INTS3: variants seen among roughly 807,000 people sequenced by gnomAD.
The protein encoded by INTS3 is SOSS complex subunit A.
Under a neutral mutation model 146.3 loss-of-function variants are expected in INTS3, and 34 were observed. The ratio of observed to expected loss-of-function variants is 0.23; its 90% CI spans 0.18 to 0.31. The LOEUF (loss-of-function observed/expected upper bound fraction) is 0.31. INTS3 is among the 10% of genes least tolerant of loss of function. The pLI is 1.00. For missense variants in INTS3, 757 were observed against 1,304.2 expected (o/e 0.58, Z 6.46); for synonymous variants, 475 against 494.9 (o/e 0.96, Z 0.53).
intron 1 of INTS3, among the ~76,000 whole-genome samples, chr1:153,736,421 G>T (rs1456428547): frequency 1.3e-5 from 2 of 151,666 alleles, no homozygotes; most frequent in African/African-American, 4.8e-5. Context: ...TGAGGATAAT[G>T]GTAAAGGAGA....
intron 1 of INTS3, 89 bp from the exon 2 acceptor site, chr1:153,740,562 A>C (rs934393946): frequency 1.2e-5 from 11 of 916,020 alleles, no homozygotes; most frequent in African/African-American, 3.2e-5. Flanking sequence ...GGGCATGATC[A>C]GGTTTGAATT....
chr1:153,770,149 G>A (rs747495015), intron 23 of INTS3, 49 bp from the exon 24 acceptor site: 8 of 959,190 alleles, frequency 8.3e-6, no homozygotes, highest in Non-Finnish European at 1.3e-5. Flanking sequence ...GTGTGTGTGT[G>A]TGTTCGTTTG....
At chr1:153,766,044 T>C (rs910083521) in intron 20 of INTS3, among the ~76,000 whole-genome samples, 5 of 152,052 alleles carry the variant, frequency 3.3e-5, no homozygotes, top group African/African-American at 9.7e-5. Context: ...CCTCTATAGA[T>C]TATTTTGGAC....
At chr1:153,740,622 A>C (rs1490169640) in intron 1 of INTS3, 29 bp from the exon 2 acceptor site, 1 of 1,556,166 alleles carries the variant, frequency 6.4e-7, no homozygotes, top group Non-Finnish European at 8.9e-7. Context: ...GTTATGACAC[A>C]CTGTTCATTT....
chr1:153,748,855 C>T (rs1345861582), intron 6 of INTS3, 100 bp downstream of exon 6: 3 of 961,698 alleles, frequency 3.1e-6, no homozygotes, highest in Admixed American at 3.5e-5. Flanking sequence ...CCCAAGAACA[C>T]CTTAAGTTAG....
chr1:153,729,103 T>C lies in INTS3; in HGVS notation c.150+319T>C, dbSNP rs111433744. ...ACATACACACCCCAGCTATTTTTACTATCAACCCTGTTTCAGACTTAGGTC... is the reference window on the plus strand; with the variant it reads ...ACATACACACCCCAGCTATTTTTACCATCAACCCTGTTTCAGACTTAGGTC... On this transcript the variant is annotated intron_variant, in intron 1 of 29. Coordinates refer to ENST00000318967, the MANE Select transcript of INTS3 (RefSeq NM_023015.5). 3.2e-3 allele frequency among the ~76,000 whole-genome samples: 491 copies of C among 152,346 alleles called. 7 individuals are homozygous for C. The highest frequency in any genetic ancestry group is 0.011 in the African/African-American group (473 of 41,576).
intron 1 of INTS3, among the ~76,000 whole-genome samples, chr1:153,735,323 A>G (rs1268153834): frequency 6.6e-6 from 1 of 152,126 alleles, no homozygotes. Flanking sequence ...GTGCTTTCAC[A>G]TATGTCATTT....
At chr1:153,744,059 G>A (rs1162634943) in intron 3 of INTS3, among the ~76,000 whole-genome samples, 1 of 151,292 alleles carries the variant, frequency 6.6e-6, no homozygotes, top group Non-Finnish European at 1.5e-5. Context: ...GTGTGTGTGT[G>A]TGTGTGTGTG....
chr1:153,771,376 T>A (rs191049161), intron 25 of INTS3, among the ~76,000 whole-genome samples: 1 of 152,304 alleles, frequency 6.6e-6, no homozygotes, highest in African/African-American at 2.4e-5. Flanking sequence ...TTGGAGGCTG[T>A]ATGGGGCTGT....
At chr1:153,769,652 C>G in intron 22 of INTS3, 117 bp from the exon 23 acceptor site, 1 of 668,700 alleles carries the variant, frequency 1.5e-6, no homozygotes, top group Non-Finnish European at 2.7e-6. Context: ...TAAACTGGGC[C>G]TTCACTTCCT....
At chr1:153,753,439 C>A (rs1369655652) in intron 8 of INTS3, among the ~76,000 whole-genome samples, 1 of 151,678 alleles carries the variant, frequency 6.6e-6, no homozygotes, top group Non-Finnish European at 1.5e-5. Context: ...TGCCTGTATT[C>A]CCAGCTACTC....
chr1:153,772,313 A>AC lies in INTS3; in HGVS notation c.2721-26dup. The AC allele has an allele frequency of 6.2e-7, 1 of 1,608,720 alleles. No homozygotes were observed. The highest frequency in any genetic ancestry group is 8.5e-7 in the Non-Finnish European group (1 of 1,176,560). The stretch of plus-strand genomic sequence containing the variant: ...CACTCTGGAACCCTCCCACACTCAG[A>AC]CTCTGGCTCTGGTGATTCCTGCACA... On this transcript the variant is annotated intron_variant, in intron 26 of 29. Coordinates refer to ENST00000318967, the MANE Select transcript of INTS3 (RefSeq NM_023015.5). This position sits in a 1 kb window ranked among gnomAD's most constrained non-coding sequence, Gnocchi z 4.6.
intron 1 of INTS3, among the ~76,000 whole-genome samples, chr1:153,729,205 C>G (rs975581342): frequency 6.6e-6 from 1 of 152,192 alleles, no homozygotes; most frequent in African/African-American, 2.4e-5. Flanking sequence ...AGACCTTGGA[C>G]CCTCCTGTTA....
chr1:153,737,187 C>G (rs1483502816), intron 1 of INTS3, among the ~76,000 whole-genome samples: 1 of 152,160 alleles, frequency 6.6e-6, no homozygotes, highest in Non-Finnish European at 1.5e-5. Flanking sequence ...TAGAAGTAAA[C>G]CAGCCTTCCT....
intron 6 of INTS3, among the ~76,000 whole-genome samples, chr1:153,750,305 T>G (rs1671910348): frequency 6.6e-6 from 1 of 152,236 alleles, no homozygotes; most frequent in African/African-American, 2.4e-5. Context: ...GAGACAGGAT[T>G]AGAGTTTTAG....
intron 24 of INTS3, 43 bp from the exon 25 acceptor site, chr1:153,770,642 A>G: frequency 6.4e-7 from 1 of 1,556,694 alleles, no homozygotes; most frequent in Non-Finnish European, 8.9e-7. Flanking sequence ...TCCATCCTGG[A>G]ATCATACCTT....
intron 13 of INTS3, 27 bp from the exon 14 acceptor site, chr1:153,761,543 T>C (rs771135885): frequency 1.2e-5 from 18 of 1,462,644 alleles, no homozygotes; most frequent in Middle Eastern, 1.7e-4. Flanking sequence ...AGCTCTGATA[T>C]TGACCTTCAT....
At position 153,741,332 on chromosome 1, in the gene INTS3, T is replaced by G. The variant is rs938377124; in HGVS notation, c.282T>G (p.Phe94Leu). ...ATGAAGAAATCTGCCTGGGCCTGTTTACTCTCATCCTCACTGAACCTGCCC... is the reference window on the plus strand; with the variant it reads ...ATGAAGAAATCTGCCTGGGCCTGTTGACTCTCATCCTCACTGAACCTGCCC... Reference protein sequence around the residue: ...PQHEEICLGLFTLILTEPAQA... With the variant: ...PQHEEICLGLLTLILTEPAQA... The change falls in exon 3 of 30, where the codon TTT (phenylalanine) becomes TTG (leucine). Residue 94 changes from phenylalanine (F) to leucine (L), a missense_variant. Phe to Leu is a conservative substitution (Grantham distance 22). Around this residue, in one of 8 missense-constraint regions of INTS3, gnomAD observed 160 missense variants for 193.7 expected, o/e 0.83. Coordinates refer to ENST00000318967, the MANE Select transcript of INTS3 (RefSeq NM_023015.5). 3.1e-6 allele frequency: 5 copies of G among 1,614,136 alleles called. No homozygotes were observed. The highest frequency in any genetic ancestry group is 4.2e-6 in the Non-Finnish European group (5 of 1,180,002).
intron 1 of INTS3, among the ~76,000 whole-genome samples, chr1:153,732,728 G>A (rs555062247): frequency 1.7e-4 from 26 of 151,156 alleles, no homozygotes; most frequent in African/African-American, 5.3e-4. Flanking sequence ...GATTACAGGC[G>A]TGAGTCACTG....
Sources: gnomAD v4.1 joint callset for allele counts (sites outside exome capture counted in the v4.1 genomes callset) on GRCh38, gnomAD v4.1.1 for gene constraint, gnomAD v4.1.1 regional missense constraint, Gnocchi (gnomAD v3.1) non-coding constraint, MANE v1.5 for transcripts, NCBI Gene and HGNC (gene_info 2026-07-23, HGNC 2026-07-21) for gene names.